ZNF280D: variants seen among roughly 807,000 people sequenced by gnomAD.
ZNF280D encodes zinc finger protein 280D, also known as suppressor of hairy wing homolog 4.
In ZNF280D, 39 loss-of-function variants were observed where a neutral mutation model predicts 94.7. The observed-to-expected ratio is 0.41, with a 90% CI of 0.32 to 0.54. The LOEUF is 0.54. Among genes scored for constraint, ZNF280D ranks in the 20% least tolerant of loss-of-function variants. The pLI is 0.22. For missense variants in ZNF280D, 1,090 were observed against 1,149.3 expected (o/e 0.95, Z 0.75); for synonymous variants, 398 against 377.6 (o/e 1.05, Z -0.63).
At chr15:56,733,224 A>C (rs1240012827) in intron 1 of ZNF280D, among the ~76,000 whole-genome samples, 1 of 152,152 alleles carries the variant, frequency 6.6e-6, no homozygotes, top group Non-Finnish European at 1.5e-5. Flanking sequence ...GCAGCAGCCG[A>C]GGCGGCTGCC....
At chr15:56,704,917 A>C (rs1357910933) in intron 3 of ZNF280D, among the ~76,000 whole-genome samples, 1 of 152,096 alleles carries the variant, frequency 6.6e-6, no homozygotes, top group Non-Finnish European at 1.5e-5. Flanking sequence ...TAGGAGGTGG[A>C]GGTTGCAGTG....
rs111497418 is a variant in ZNF280D at position 56,657,413 on chromosome 15, C to A, written c.2057+1011G>T. On this transcript the variant is annotated intron_variant, in intron 17 of 21. Transcript: ENST00000267807. Reference sequence around the variant, plus strand: ...AAGTGTTCATTCCTTTAAGAGATAGCTTAGCTATCTTTTTAATATTCAAAT... The same window carrying A: ...AAGTGTTCATTCCTTTAAGAGATAGATTAGCTATCTTTTTAATATTCAAAT... Among the ~76,000 whole-genome samples the A allele has an allele frequency of 1.2e-3, 179 of 152,152 alleles. 5 individuals are homozygous for A. Among genetic ancestry groups the A allele is most frequent in the African/African-American group, 4.2e-3 (173 of 41,532 alleles).
At chr15:56,702,234 T>G (rs2141201716) in intron 4 of ZNF280D, among the ~76,000 whole-genome samples, 1 of 152,274 alleles carries the variant, frequency 6.6e-6, no homozygotes, top group South Asian at 2.1e-4. Flanking sequence ...AACTTGAAAC[T>G]GTTTTCATTC....
chr15:56,682,023 A>C (rs1227903322), intron 10 of ZNF280D, among the ~76,000 whole-genome samples: 1 of 152,070 alleles, frequency 6.6e-6, no homozygotes, highest in African/African-American at 2.4e-5. Flanking sequence ...GTTAAAATAA[A>C]CAGTCTTTTC....
At chr15:56,717,752 C>T (rs1247141683) in intron 1 of ZNF280D, among the ~76,000 whole-genome samples, 2 of 151,946 alleles carry the variant, frequency 1.3e-5, no homozygotes, top group Non-Finnish European at 2.9e-5. Flanking sequence ...CCCAAAGTAA[C>T]AAAACTTAGT....
chr15:56,717,851 T>C (rs529151997), intron 1 of ZNF280D, among the ~76,000 whole-genome samples: 1 of 152,242 alleles, frequency 6.6e-6, no homozygotes, highest in South Asian at 2.1e-4. Context: ...ACTGGAATAT[T>C]TGGAATACCA....
intron 13 of ZNF280D, 33 bp from the exon 14 acceptor site, chr15:56,668,990 A>C (rs553518415): frequency 1.5e-5 from 24 of 1,586,288 alleles, no homozygotes; most frequent in Non-Finnish European, 2.1e-5. Flanking sequence ...AGGGGGAAAA[A>C]TAATTTCAAA....
chr15:56,712,471 A>C (rs1369811908), intron 1 of ZNF280D, among the ~76,000 whole-genome samples: 1 of 151,718 alleles, frequency 6.6e-6, no homozygotes, highest in Non-Finnish European at 1.5e-5. Flanking sequence ...CACAAAAAAT[A>C]CAAGAAAATT....
chr15:56,702,737 T>C (rs1243920202), intron 4 of ZNF280D, among the ~76,000 whole-genome samples: 1 of 152,162 alleles, frequency 6.6e-6, no homozygotes, highest in Non-Finnish European at 1.5e-5. Flanking sequence ...CCATGAGAGA[T>C]GACCAATGTG....
At position 56,631,825 on chromosome 15, in the gene ZNF280D, G is replaced by A; in HGVS notation, c.2613C>T (p.Ser871=). 1 of 1,613,960 alleles carries A rather than the reference G, an allele frequency of 6.2e-7. No individual in the cohort carries two copies. Among genetic ancestry groups the A allele is most frequent in the Admixed American group, 1.7e-5 (1 of 60,028 alleles). The stretch of plus-strand genomic sequence containing the variant: ...TCTTTGAAGAAAATCTGGCTTCACT[G>A]GAGTTGTGATCTTTAATCTGATCAG... ...ILSDQIKDHN[S]SEARFSSKNI... The change falls in exon 22 of 22, where the codon TCC becomes TCT. Residue 871 remains serine (S), a synonymous_variant. Transcript: ENST00000267807.
At chr15:56,640,402 T>A (rs2052571148) in intron 20 of ZNF280D, among the ~76,000 whole-genome samples, 1 of 152,064 alleles carries the variant, frequency 6.6e-6, no homozygotes, top group Admixed American at 6.6e-5. Context: ...GGATTACAGG[T>A]GTGTGCCATT....
rs2055673815 is a variant in ZNF280D, at chr15:56,682,314, T to C, written c.944A>G (p.Gln315Arg). ...GKHEGDVQEEQKTHTTFKCFS... is the reference protein window; with the variant it reads ...GKHEGDVQEERKTHTTFKCFS... Reference sequence around the variant, plus strand: ...GCATTTAAAGGTTGTGTGAGTCTTCTGTTCCTCCTGGACATCTCCTTCATG... The same window carrying C: ...GCATTTAAAGGTTGTGTGAGTCTTCCGTTCCTCCTGGACATCTCCTTCATG... The change falls in exon 10 of 22, where the codon CAG becomes CGG. Residue 315 changes from glutamine (Q) to arginine (R), a missense_variant. Physicochemically the swap from Gln to Arg is conservative, Grantham distance 43. Coordinates refer to ENST00000267807, the MANE Select transcript of ZNF280D (RefSeq NM_017661.4). The C allele has an allele frequency of 6.3e-7, 1 of 1,593,244 alleles. No homozygotes were observed. The highest frequency in any genetic ancestry group is 1.4e-5 in the African/African-American group (1 of 73,368).
At chr15:56,675,255 T>C (rs2055139230) in intron 13 of ZNF280D, among the ~76,000 whole-genome samples, 1 of 151,968 alleles carries the variant, frequency 6.6e-6, no homozygotes, top group South Asian at 2.1e-4. Context: ...TCTCACTCTA[T>C]AGTTTGACAA....
chr15:56,670,881 G>A, intron 13 of ZNF280D, among the ~76,000 whole-genome samples: 1 of 151,950 alleles, frequency 6.6e-6, no homozygotes, highest in South Asian at 2.1e-4. Flanking sequence ...CATTCTGACA[G>A]GTGTGAGATG....
intron 1 of ZNF280D, among the ~76,000 whole-genome samples, chr15:56,731,460 C>G (rs1351322717): frequency 7.2e-6 from 1 of 139,462 alleles, no homozygotes; most frequent in African/African-American, 2.7e-5. Flanking sequence ...CGAGCCAAGA[C>G]TGCTCCACAG....
At chr15:56,646,892 C>T (rs1227774747) in intron 19 of ZNF280D, among the ~76,000 whole-genome samples, 3 of 151,924 alleles carry the variant, frequency 2.0e-5, no homozygotes, top group Non-Finnish European at 4.4e-5. Context: ...AGATCCAAGG[C>T]AGAGAAAAAG....
intron 13 of ZNF280D, among the ~76,000 whole-genome samples, chr15:56,673,178 C>T (rs1365405601): frequency 1.3e-5 from 2 of 151,858 alleles, no homozygotes; most frequent in Non-Finnish European, 2.9e-5. Flanking sequence ...TATCCAAATG[C>T]CTACGTAACA....
At chr15:56,714,944 T>C (rs146673181) in intron 1 of ZNF280D, among the ~76,000 whole-genome samples, 39 of 152,266 alleles carry the variant, frequency 2.6e-4, no homozygotes, top group African/African-American at 9.4e-4. Flanking sequence ...AAAAGTTACC[T>C]ATTAGGGGGA....
Position 56,689,281 on chromosome 15 carries a change from T to G in ZNF280D, c.670+19A>C. The G allele has an allele frequency of 6.3e-7, 1 of 1,586,722 alleles. No individual in the cohort carries two copies. ...ATAAATACTATAACTTCTTTTTATG[T>G]ACCACATTTCATATTTACCTTTTGC... is the stretch of plus-strand genomic sequence containing the variant. On this transcript the variant is annotated intron_variant, in intron 8 of 21. Transcript: ENST00000267807.
Sources: gnomAD v4.1 joint callset for allele counts (sites outside exome capture counted in the v4.1 genomes callset) on GRCh38, gnomAD v4.1.1 for gene constraint, MANE v1.5 for transcripts, NCBI Gene and HGNC (gene_info 2026-07-23, HGNC 2026-07-21) for gene names.